Variants in CFAP300 observed in about 807,000 individuals in gnomAD.
The protein encoded by CFAP300 is cilia and flagella associated protein 300.
In CFAP300, 32 loss-of-function variants were observed where a neutral mutation model predicts 33.0. That is an observed-to-expected ratio of 0.97 (90% CI 0.73 to 1.30). CFAP300 has a LOEUF of 1.30. Ranked by LOEUF, CFAP300 falls within the 50% of genes most tolerant of loss-of-function variation. The probability of loss-of-function intolerance (pLI) is 0.00; values close to 1 mark genes in which losing one functional copy is unlikely to be tolerated. For missense variants in CFAP300, 356 were observed against 318.1 expected (o/e 1.12, Z -0.90); for synonymous variants, 102 against 106.8 (o/e 0.95, Z 0.28).
intron 4 of CFAP300, among the ~76,000 whole-genome samples, chr11:102,075,489 G>T (rs1218853216): frequency 2.6e-5 from 4 of 152,196 alleles, no homozygotes; most frequent in Non-Finnish European, 5.9e-5. Flanking sequence ...TTTAGTCTCT[G>T]GGTAGAAGCC....
chr11:102,081,310 A>C, intron 6 of CFAP300, 29 bp downstream of exon 6: 1 of 1,564,238 alleles, frequency 6.4e-7, no homozygotes, highest in Non-Finnish European at 8.8e-7. Flanking sequence ...TTGCAACCAA[A>C]GAATTTAATT....
chr11:102,049,609 T>G (rs991890560), intron 2 of CFAP300, among the ~76,000 whole-genome samples: 13 of 152,166 alleles, frequency 8.5e-5, no homozygotes, highest in African/African-American at 3.1e-4. Flanking sequence ...TACTCATGGT[T>G]AGATTATTAT....
chr11:102,062,786 T>G (rs1942167499), intron 3 of CFAP300, among the ~76,000 whole-genome samples: 1 of 152,104 alleles, frequency 6.6e-6, no homozygotes, highest in Non-Finnish European at 1.5e-5. Context: ...GAACAGCCAT[T>G]TGATAAAGAG....
At chr11:102,048,654 T>C (rs2135007727) in intron 2 of CFAP300, among the ~76,000 whole-genome samples, 1 of 152,286 alleles carries the variant, frequency 6.6e-6, no homozygotes, top group Middle Eastern at 3.4e-3. Context: ...CAGTTCCAAA[T>C]GAGGAATTCC....
At chr11:102,066,690 T>G in intron 4 of CFAP300, 39 bp downstream of exon 4, 1 of 1,553,992 alleles carries the variant, frequency 6.4e-7, no homozygotes, top group South Asian at 1.3e-5. Flanking sequence ...TGGAATTTTA[T>G]TTCAGGAAAT....
intron 6 of CFAP300, among the ~76,000 whole-genome samples, chr11:102,082,719 C>T (rs1942492292): frequency 6.6e-6 from 1 of 152,130 alleles, no homozygotes; most frequent in African/African-American, 2.4e-5. Context: ...TTAGGATTGG[C>T]CGGGTGCTGT....
At position 102,066,481 on chromosome 11, in the gene CFAP300, T is replaced by C; in HGVS notation, c.269-4T>C. The C allele has an allele frequency of 1.3e-6, 2 of 1,567,094 alleles. No individual in the cohort carries two copies. The highest frequency in any genetic ancestry group is 1.7e-6 in the Non-Finnish European group (2 of 1,158,292). On this transcript the variant is annotated splice_polypyrimidine_tract_variant and splice_region_variant and intron_variant, in intron 3 of 6. Coordinates refer to ENST00000434758, the MANE Select transcript of CFAP300 (RefSeq NM_032930.3). The stretch of plus-strand genomic sequence containing the variant: ...TCCATTCTTTATAAAATATCTTTTT[T>C]CAGGAACTGAAGTGAAAAAAATTGA...
At chr11:102,052,414 T>C (rs916429278) in intron 2 of CFAP300, among the ~76,000 whole-genome samples, 1 of 152,242 alleles carries the variant, frequency 6.6e-6, no homozygotes, top group African/African-American at 2.4e-5. Context: ...TATTCTTTTA[T>C]TTGAAAGACT....
At chr11:102,071,020 T>G (rs1178270713) in intron 4 of CFAP300, among the ~76,000 whole-genome samples, 3 of 152,212 alleles carry the variant, frequency 2.0e-5, no homozygotes, top group South Asian at 4.1e-4. Context: ...ATTCTGTAAC[T>G]GTTGGATGAA....
intron 2 of CFAP300, among the ~76,000 whole-genome samples, chr11:102,050,123 C>T (rs1277563476): frequency 8.6e-5 from 13 of 151,746 alleles, no homozygotes. Context: ...AAGTAAGACC[C>T]TGTCTCAAAA....
At chr11:102,054,099 A>G (rs1942012910) in intron 2 of CFAP300, among the ~76,000 whole-genome samples, 3 of 152,216 alleles carry the variant, frequency 2.0e-5, no homozygotes, top group African/African-American at 2.4e-5. Context: ...CAAACGCCAC[A>G]ATCAGGGCTT....
chr11:102,063,776 A>G (rs1341904145), intron 3 of CFAP300, among the ~76,000 whole-genome samples: 1 of 152,168 alleles, frequency 6.6e-6, no homozygotes, highest in East Asian at 1.9e-4. Flanking sequence ...CCATGATCAC[A>G]TCACCACACT....
intron 4 of CFAP300, among the ~76,000 whole-genome samples, chr11:102,075,355 G>C (rs925273112): frequency 6.6e-6 from 1 of 152,258 alleles, no homozygotes; most frequent in Admixed American, 6.5e-5. Flanking sequence ...TACTAGATGA[G>C]AGCAGGAAAG....
intron 5 of CFAP300, among the ~76,000 whole-genome samples, chr11:102,079,950 A>G (rs918110162): frequency 2.0e-5 from 3 of 152,162 alleles, no homozygotes; most frequent in African/African-American, 7.2e-5. Flanking sequence ...GCCTACCTCA[A>G]TGAGTTGTGT....
At chr11:102,049,248 A>G (rs528721350) in intron 2 of CFAP300, among the ~76,000 whole-genome samples, 75 of 152,122 alleles carry the variant, frequency 4.9e-4, no homozygotes, top group Non-Finnish European at 8.7e-4. Context: ...GGCGGTTGCC[A>G]CCCTCCCTTG....
chr11:102,049,892 T>G (rs940202150), intron 2 of CFAP300, among the ~76,000 whole-genome samples: 2 of 151,494 alleles, frequency 1.3e-5, no homozygotes, highest in African/African-American at 4.9e-5. Context: ...GGCTCACAAC[T>G]GTAATCCCAG....
chr11:102,052,242 A>C (rs901975687), intron 2 of CFAP300, among the ~76,000 whole-genome samples: 2 of 152,078 alleles, frequency 1.3e-5, no homozygotes, highest in Admixed American at 6.6e-5. Context: ...TAAGTTAATA[A>C]CCTCCAGGAA....
At chr11:102,063,922 G>C (rs1374902690) in intron 3 of CFAP300, among the ~76,000 whole-genome samples, 1 of 152,180 alleles carries the variant, frequency 6.6e-6, no homozygotes, top group African/African-American at 2.4e-5. Context: ...ACATGTTATA[G>C]ACTCAATGAC....
At chr11:102,064,960 A>G (rs922254719) in intron 3 of CFAP300, among the ~76,000 whole-genome samples, 1 of 152,212 alleles carries the variant, frequency 6.6e-6, no homozygotes, top group Non-Finnish European at 1.5e-5. Flanking sequence ...AGTCTACAAG[A>G]GAAAAATAGA....
Sources: allele counts gnomAD v4.1 joint callset (sites outside exome capture counted in the v4.1 genomes callset), GRCh38; gene constraint gnomAD v4.1.1; transcripts MANE v1.5; gene names NCBI Gene and HGNC (gene_info 2026-07-23, HGNC 2026-07-21).